CEP350: variants seen among roughly 807,000 people sequenced by gnomAD.
The protein encoded by CEP350 is centrosome-associated protein 350.
In CEP350, 126 loss-of-function variants were observed where a neutral mutation model predicts 331.8. The observed-to-expected ratio is 0.38, with a 90% CI of 0.33 to 0.44. The LOEUF is 0.44. Among genes scored for constraint, CEP350 ranks in the 20% least tolerant of loss-of-function variants. The probability of loss-of-function intolerance (pLI) is 1.00; values close to 1 mark genes in which losing one functional copy is unlikely to be tolerated. For synonymous variants in CEP350, 1,200 were observed against 1,259.5 expected (o/e 0.95, Z 1.00); for missense variants, 3,406 against 3,634.6 (o/e 0.94, Z 1.62).
chr1:180,052,963 CTT>C lies in CEP350; in HGVS notation c.4793-4_4793-3del. On this transcript the variant is annotated splice_polypyrimidine_tract_variant and splice_region_variant and intron_variant, in intron 22 of 37. Transcript: ENST00000367607. ...TGATAAAATCTACTTTCTCCATATT[CTT>C]TTAGACTCAACGTCTATTGCAACAG... The C allele has an allele frequency of 8.8e-7, 1 of 1,130,484 alleles. No homozygotes were observed. The highest frequency in any genetic ancestry group is 1.3e-6 in the Non-Finnish European group (1 of 764,682). 70.0% of individuals were successfully genotyped at this position (1,130,484 alleles called of 1,614,324 possible). A position where few individuals can be genotyped will look rare whatever the true frequency, so the allele number is the denominator to read the frequency against.
intron 1 of CEP350, among the ~76,000 whole-genome samples, chr1:179,961,513 T>C (rs1441595134): frequency 3.9e-5 from 6 of 152,134 alleles, no homozygotes; most frequent in Admixed American, 3.9e-4. Context: ...AAATCAATCC[T>C]ATTTAGTTCC....
intron 25 of CEP350, among the ~76,000 whole-genome samples, chr1:180,057,550 T>A (rs1657938491): frequency 6.6e-6 from 1 of 152,058 alleles, no homozygotes; most frequent in Non-Finnish European, 1.5e-5. Flanking sequence ...ATGGCCCCTT[T>A]TCTTTGCATG....
intron 3 of CEP350, among the ~76,000 whole-genome samples, chr1:179,989,806 C>A (rs1652918262): frequency 6.6e-6 from 1 of 152,112 alleles, no homozygotes; most frequent in African/African-American, 2.4e-5. Context: ...TACCTATAGT[C>A]CTAAATTTTG....
At chr1:179,991,969 A>G (rs1653131704) in intron 4 of CEP350, 93 bp from the exon 5 acceptor site, 1 of 1,221,296 alleles carries the variant, frequency 8.2e-7, no homozygotes, top group Non-Finnish European at 1.1e-6. Flanking sequence ...ATTAGAAATA[A>G]TAGATACCTA....
chr1:180,045,475 C>T (rs1294173396), intron 21 of CEP350, among the ~76,000 whole-genome samples: 1 of 152,144 alleles, frequency 6.6e-6, no homozygotes. Context: ...AGTTAACATA[C>T]TGACATTGTC....
rs1488432270 is a variant in CEP350, at chr1:179,994,459, T to TC, written c.396-2094_396-2093insC. Among the ~76,000 whole-genome samples, 4 of 148,816 alleles carry TC rather than the reference T, an allele frequency of 2.7e-5. No individual in the cohort carries two copies. The East Asian group carries it at 7.7e-4, about 29-fold the overall frequency. ...TTCTTTTCTTTTTTCTTTCTTTCTT[T>TC]TTTTTTTTTTTTGAGACAGTGTCTC... On this transcript the variant is annotated intron_variant, in intron 5 of 37. Transcript: ENST00000367607.
intron 27 of CEP350, among the ~76,000 whole-genome samples, chr1:180,072,818 G>A (rs1658981707): frequency 6.6e-6 from 1 of 152,076 alleles, no homozygotes; most frequent in African/African-American, 2.4e-5. Flanking sequence ...TCACTTCTAT[G>A]ACATACTGAT....
At chr1:180,031,144 A>G (rs1453202715) in intron 14 of CEP350, among the ~76,000 whole-genome samples, 176 bp from the exon 15 acceptor site, 1 of 152,118 alleles carries the variant, frequency 6.6e-6, no homozygotes, top group Non-Finnish European at 1.5e-5. Flanking sequence ...AAATAGAGAC[A>G]GAAGGATGAA....
intron 1 of CEP350, among the ~76,000 whole-genome samples, chr1:179,982,609 T>A (rs1173826225): frequency 6.6e-6 from 1 of 152,212 alleles, no homozygotes; most frequent in African/African-American, 2.4e-5. Flanking sequence ...ATTTATTATA[T>A]CCTTTCCATT....
At chr1:180,055,546 CTTTTTT>C (rs71118430) in intron 25 of CEP350, among the ~76,000 whole-genome samples, 2 of 87,454 alleles carry the variant, frequency 2.3e-5, no homozygotes, top group East Asian at 3.8e-4. Context: ...TGAATTCCAT[CTTTTTT>C]TTTTTTTTTT....
chr1:180,041,834 C>T, intron 19 of CEP350, 32 bp downstream of exon 19: 1 of 1,589,190 alleles, frequency 6.3e-7, no homozygotes, highest in South Asian at 1.1e-5. Flanking sequence ...TCTCTTTTTA[C>T]TTCTTTTTAG....
At chr1:180,053,342 T>C (rs527825516) in intron 23 of CEP350, among the ~76,000 whole-genome samples, 176 bp downstream of exon 23, 3 of 152,238 alleles carry the variant, frequency 2.0e-5, no homozygotes, top group Non-Finnish European at 4.4e-5. Flanking sequence ...CAAAGTACAA[T>C]ACAAACTTAT....
intron 1 of CEP350, among the ~76,000 whole-genome samples, chr1:179,984,646 A>G (rs1002370209): frequency 6.6e-6 from 1 of 152,236 alleles, no homozygotes; most frequent in South Asian, 2.1e-4. Flanking sequence ...CAATGGGAGA[A>G]TAATTAATTT....
rs544538861 is a variant in CEP350, at chr1:180,009,584, G to C, written c.1247-2345G>C. Among the ~76,000 whole-genome samples the C allele has an allele frequency of 2.0e-5, 3 of 152,202 alleles. No homozygotes were observed. In the East Asian group the frequency reaches 5.8e-4, roughly 29 times the overall value. On this transcript the variant is annotated intron_variant, in intron 8 of 37. Coordinates refer to ENST00000367607, the MANE Select transcript of CEP350 (RefSeq NM_014810.5). ...TGACCGTGTGTAACTGTTCCAGAAA[G>C]TTAGAATTTAGAAATAACCACTCAG...
chr1:180,029,482 A>G (rs1655873443), intron 14 of CEP350, among the ~76,000 whole-genome samples: 1 of 152,184 alleles, frequency 6.6e-6, no homozygotes, highest in African/African-American at 2.4e-5. Context: ...CTAATTGATT[A>G]ATAATATTCT....
chr1:180,001,285 G>T (rs1653852432), intron 6 of CEP350, among the ~76,000 whole-genome samples: 1 of 152,104 alleles, frequency 6.6e-6, no homozygotes, highest in African/African-American at 2.4e-5. Flanking sequence ...TTGAGACAGA[G>T]TCTCAGTCTG....
chr1:179,969,767 GC>G (rs2148586393), intron 1 of CEP350, among the ~76,000 whole-genome samples: 1 of 152,080 alleles, frequency 6.6e-6, no homozygotes, highest in South Asian at 2.1e-4. Context: ...ACTAGCCTGG[GC>G]AACAATGAGA....
chr1:180,107,975 A>G (rs962750023), intron 37 of CEP350, among the ~76,000 whole-genome samples: 16 of 152,176 alleles, frequency 1.1e-4, no homozygotes, highest in African/African-American at 3.9e-4. Flanking sequence ...GTCATAGAAT[A>G]TAATAGACTC....
intron 3 of CEP350, among the ~76,000 whole-genome samples, chr1:179,989,182 G>A (rs1364506006): frequency 6.6e-6 from 1 of 152,018 alleles, no homozygotes; most frequent in Non-Finnish European, 1.5e-5. Context: ...GCTGGGCGCA[G>A]TGTCTCACGC....
Sources: allele counts gnomAD v4.1 joint callset (sites outside exome capture counted in the v4.1 genomes callset), GRCh38; gene constraint gnomAD v4.1.1; transcripts MANE v1.5; gene names NCBI Gene and HGNC (gene_info 2026-07-23, HGNC 2026-07-21).